Variants in RNF34 observed in about 807,000 individuals in gnomAD.
RNF34 encodes the protein E3 ubiquitin-protein ligase RNF34.
In RNF34, 12 loss-of-function variants were observed where a neutral mutation model predicts 37.9. The ratio of observed to expected loss-of-function variants is 0.32; its 90% CI spans 0.20 to 0.51. RNF34 has a LOEUF of 0.51. Among genes scored for constraint, RNF34 ranks in the 20% least tolerant of loss-of-function variants. The pLI is 0.97. For synonymous variants in RNF34, 155 were observed against 177.2 expected, an observed-to-expected ratio of 0.87 and a Z score of 1.00; for missense variants, 362 against 472.7, an observed-to-expected ratio of 0.77 and a Z score of 2.17.
chr12:121,421,905 A>G (rs782648150), intron 5 of RNF34, among the ~76,000 whole-genome samples: 2 of 152,188 alleles, frequency 1.3e-5, no homozygotes, highest in Non-Finnish European at 2.9e-5. Context: ...ATAATACAGC[A>G]TTTGTTGATG....
At chr12:121,418,189 A>G (rs1425004983) in intron 3 of RNF34, 7 of 389,300 alleles carry the variant, frequency 1.8e-5, no homozygotes, top group African/African-American at 1.4e-4. Flanking sequence ...GTTAGACACT[A>G]ACTGTTGAAG....
At chr12:121,421,414 G>A (rs181081695) in intron 5 of RNF34, among the ~76,000 whole-genome samples, 2 of 146,610 alleles carry the variant, frequency 1.4e-5, no homozygotes, top group East Asian at 2.0e-4. Context: ...AAAACCTGGT[G>A]TGGTGGCACC....
Position 121,423,282 on chromosome 12 carries a change from TGCAGGGGTCATTCA to T in RNF34, c.929-98_929-85del. ...TACAACACTGGGGTGGCATTGGGCC[TGCAGGGGTCATTCA>T]GCAGGTGGCTGCTCAGCTTCGGACT... On this transcript the variant is annotated intron_variant, in intron 5 of 5. Transcript: ENST00000361234. The surrounding 1 kb of genome is among the most constrained non-coding windows in gnomAD (Gnocchi z 4.3). 1 of 831,974 alleles carries T rather than the reference TGCAGGGGTCATTCA, an allele frequency of 1.2e-6. No homozygotes were observed. The highest frequency in any genetic ancestry group is 1.9e-6 in the Non-Finnish European group (1 of 529,342). The allele number at this position is 831,974 out of a possible 1,614,324, so 51.5% of individuals were successfully genotyped here.
chr12:121,421,994 G>T (rs1872208981), intron 5 of RNF34, among the ~76,000 whole-genome samples: 1 of 152,190 alleles, frequency 6.6e-6, no homozygotes, highest in African/African-American at 2.4e-5. Context: ...GTAGATGCAG[G>T]AATCTTCATC....
At chr12:121,422,847 A>G (rs1425141936) in intron 5 of RNF34, among the ~76,000 whole-genome samples, 2 of 152,246 alleles carry the variant, frequency 1.3e-5, no homozygotes, top group African/African-American at 4.8e-5. Context: ...AGGGCCAGGA[A>G]CACAGATGGC....
At chr12:121,413,002 A>AT (rs1871234599) in intron 1 of RNF34, among the ~76,000 whole-genome samples, 1 of 150,012 alleles carries the variant, frequency 6.7e-6, no homozygotes, top group Non-Finnish European at 1.5e-5. Context: ...TACAGGCATG[A>AT]GCCATTGTGC....
At chr12:121,415,605 C>T (rs925328052) in intron 1 of RNF34, among the ~76,000 whole-genome samples, 10 of 151,896 alleles carry the variant, frequency 6.6e-5, no homozygotes, top group Admixed American at 1.3e-4. Flanking sequence ...GACAATGAGA[C>T]CCTGTTTTTA....
chr12:121,405,249 A>G (rs1555280526), intron 1 of RNF34: 1 of 152,178 alleles, frequency 6.6e-6, no homozygotes, highest in Admixed American at 6.6e-5. Flanking sequence ...AAAAAGAGGG[A>G]CTTGAATATT....
At chr12:121,403,453 CTG>C (rs1227357204) in intron 1 of RNF34, among the ~76,000 whole-genome samples, 1 of 151,066 alleles carries the variant, frequency 6.6e-6, no homozygotes, top group Non-Finnish European at 1.5e-5. Context: ...TTTTTATCAA[CTG>C]TTTTTTCTGC....
chr12:121,414,877 TGA>T (rs2137039712), intron 1 of RNF34, among the ~76,000 whole-genome samples: 1 of 152,332 alleles, frequency 6.6e-6, no homozygotes, highest in Non-Finnish European at 1.5e-5. Flanking sequence ...GTGGATCACC[TGA>T]GGTCAGGAGT....
chr12:121,402,786 C>T, intron 1 of RNF34: 3 of 1,606,946 alleles, frequency 1.9e-6, no homozygotes, highest in Non-Finnish European at 2.6e-6. Context: ...TAAAAGAAAA[C>T]AAAAACCCAA....
intron 1 of RNF34, chr12:121,402,629 A>G (rs1593643891): frequency 3.3e-6 from 2 of 604,338 alleles, no homozygotes; most frequent in Non-Finnish European, 5.7e-6. Flanking sequence ...CCTTATTTAT[A>G]TTGATCTCAC....
chr12:121,400,149 TG>T lies in RNF34; in HGVS notation c.-63del. 1 of 1,581,654 alleles carries T rather than the reference TG, an allele frequency of 6.3e-7. No individual in the cohort carries two copies. The highest frequency in any genetic ancestry group is 8.6e-7 in the Non-Finnish European group (1 of 1,166,860). On this transcript the variant is annotated 5_prime_UTR_variant, in exon 1 of 6. Coordinates refer to ENST00000361234, the MANE Select transcript of RNF34 (RefSeq NM_025126.4). The stretch of plus-strand genomic sequence containing the variant: ...CGCCCAGAGGGAAGGAGGTCGGCAG[TG>T]TGAGGAGCTGCTATGGTGCTGAGTT...
intron 5 of RNF34, among the ~76,000 whole-genome samples, chr12:121,421,679 CT>C (rs1295260436): frequency 6.6e-6 from 1 of 151,872 alleles, no homozygotes; most frequent in Non-Finnish European, 1.5e-5. Flanking sequence ...TTATTTTTTT[CT>C]TTTTAATTGT....
chr12:121,411,086 A>G (rs927651594), intron 1 of RNF34, among the ~76,000 whole-genome samples: 10 of 152,218 alleles, frequency 6.6e-5, no homozygotes, highest in African/African-American at 1.2e-4. Context: ...GGCACATGCC[A>G]CCACACCTGG....
intron 1 of RNF34, among the ~76,000 whole-genome samples, chr12:121,414,860 G>A (rs1224946177): frequency 3.9e-5 from 6 of 152,186 alleles, no homozygotes; most frequent in African/African-American, 1.2e-4. Context: ...TCGGGAGGCC[G>A]AGGTGGGTGG....
At chr12:121,422,189 T>C (rs2137192721) in intron 5 of RNF34, among the ~76,000 whole-genome samples, 1 of 152,360 alleles carries the variant, frequency 6.6e-6, no homozygotes, top group Admixed American at 6.5e-5. Context: ...ACAGCATGGT[T>C]TCCAGTGTCT....
intron 3 of RNF34, chr12:121,419,981 TGAGA>T (rs1871969982): frequency 5.7e-6 from 2 of 350,418 alleles, no homozygotes; most frequent in Non-Finnish European, 1.1e-5. Context: ...GGGACCTTCC[TGAGA>T]GAGTTAATAC....
intron 1 of RNF34, among the ~76,000 whole-genome samples, chr12:121,405,355 C>T (rs1322946232): frequency 6.6e-6 from 1 of 152,158 alleles, no homozygotes; most frequent in Non-Finnish European, 1.5e-5. Flanking sequence ...GTTCTGGTCT[C>T]CACTCAACTA....
Sources: allele counts gnomAD v4.1 joint callset (sites outside exome capture counted in the v4.1 genomes callset), GRCh38; gene constraint gnomAD v4.1.1; non-coding constraint Gnocchi (gnomAD v3.1); transcripts MANE v1.5; gene names NCBI Gene and HGNC (gene_info 2026-07-23, HGNC 2026-07-21).